NRG1: variants seen among roughly 807,000 people sequenced by gnomAD.
NRG1 encodes the protein neuregulin 1, also known as pro-neuregulin-1, membrane-bound isoform.
A neutral mutation model predicts 63.8 loss-of-function variants in NRG1; 18 were observed. That is an observed-to-expected ratio of 0.28 (90% CI 0.19 to 0.42). The LOEUF is 0.42. NRG1 is among the 10% of genes least tolerant of loss of function. The pLI, the probability that NRG1 is intolerant of heterozygous loss-of-function variation, is 1.00. For missense variants in NRG1, 762 were observed against 814.7 expected (o/e 0.94, Z 0.79); for synonymous variants, 302 against 301.3 (o/e 1.00, Z -0.02).
intron 1 of NRG1, among the ~76,000 whole-genome samples, chr8:32,027,610 A>G (rs1287032767): frequency 6.6e-6 from 1 of 151,884 alleles, no homozygotes; most frequent in East Asian, 1.9e-4. Context: ...TCTTCTCACC[A>G]TACTGTTTGT....
intron 1 of NRG1, among the ~76,000 whole-genome samples, chr8:31,892,757 A>C (rs1831253317): frequency 6.6e-6 from 1 of 152,068 alleles, no homozygotes; most frequent in Non-Finnish European, 1.5e-5. Flanking sequence ...TAAATGATGC[A>C]GTTTATCATC....
chr8:31,681,889 T>A (rs1301942206), intron 1 of NRG1, among the ~76,000 whole-genome samples: 2 of 152,054 alleles, frequency 1.3e-5, no homozygotes, highest in Admixed American at 1.3e-4. Flanking sequence ...GGCAACCTTT[T>A]CACTATCGAC....
At chr8:32,187,309 T>TTTG (rs1464058319) in intron 1 of NRG1, among the ~76,000 whole-genome samples, 12 of 152,112 alleles carry the variant, frequency 7.9e-5, no homozygotes, top group African/African-American at 2.9e-4. Context: ...TTCCATGGCG[T>TTTG]AGTTCTTTGG....
At chr8:32,470,458 C>T (rs1278429319) in intron 1 of NRG1, among the ~76,000 whole-genome samples, 2 of 152,134 alleles carry the variant, frequency 1.3e-5, no homozygotes, top group Non-Finnish European at 2.9e-5. Context: ...CCTCCCTCAG[C>T]CTTCCAAAGT....
chr8:32,662,408 G>T (rs889376706), intron 5 of NRG1, among the ~76,000 whole-genome samples: 1 of 152,096 alleles, frequency 6.6e-6, no homozygotes, highest in Non-Finnish European at 1.5e-5. Flanking sequence ...GGTGATGAAG[G>T]CCTGATCAGG....
intron 5 of NRG1, among the ~76,000 whole-genome samples, chr8:32,654,148 G>T (rs891508921): frequency 1.3e-5 from 2 of 152,150 alleles, no homozygotes; most frequent in African/African-American, 4.8e-5. Flanking sequence ...CAGTAGCAGT[G>T]CTGAGACTAA....
At chr8:31,940,256 AC>A (rs1801554231) in intron 1 of NRG1, among the ~76,000 whole-genome samples, 1 of 152,132 alleles carries the variant, frequency 6.6e-6, no homozygotes, top group African/African-American at 2.4e-5. Flanking sequence ...GCATCCCCAA[AC>A]CATACAAATA....
At chr8:31,877,889 G>A (rs80036852) in intron 1 of NRG1, among the ~76,000 whole-genome samples, 1,587 of 152,262 alleles carry the variant, frequency 0.01, 31 homozygotes, top group African/African-American at 0.037. Flanking sequence ...TTTGATGTAG[G>A]TTAGAGACTG....
At chr8:32,284,589 G>A (rs572604577) in intron 1 of NRG1, among the ~76,000 whole-genome samples, 7 of 151,138 alleles carry the variant, frequency 4.6e-5, no homozygotes, top group South Asian at 4.2e-4. Flanking sequence ...AGAGTGCAGC[G>A]GTATAATCAA....
At chr8:32,116,685 A>G (rs575759955) in intron 1 of NRG1, among the ~76,000 whole-genome samples, 2 of 152,236 alleles carry the variant, frequency 1.3e-5, no homozygotes, top group African/African-American at 4.8e-5. Flanking sequence ...AATGTTAAGT[A>G]AGGATCTTTT....
intron 1 of NRG1, among the ~76,000 whole-genome samples, chr8:32,092,922 G>A (rs1829393498): frequency 6.6e-6 from 1 of 152,148 alleles, no homozygotes; most frequent in African/African-American, 2.4e-5. Flanking sequence ...ATGTCACCCT[G>A]ACAATGACCA....
At chr8:32,674,647 G>A (rs1288014636) in intron 5 of NRG1, among the ~76,000 whole-genome samples, 3 of 152,144 alleles carry the variant, frequency 2.0e-5, no homozygotes, top group Non-Finnish European at 2.9e-5. Context: ...ATATCCGAAC[G>A]GAATGCTGAA....
intron 5 of NRG1, chr8:32,647,961 C>G (rs1489620892): frequency 6.8e-6 from 11 of 1,614,092 alleles, no homozygotes; most frequent in African/African-American, 1.3e-5. Flanking sequence ...TGTCCCCATC[C>G]TGGCTTGCCT....
chr8:31,876,082 A>G (rs961817589), intron 1 of NRG1, among the ~76,000 whole-genome samples: 1 of 152,194 alleles, frequency 6.6e-6, no homozygotes, highest in African/African-American at 2.4e-5. Context: ...GAAGAAATGA[A>G]TTGATCACAG....
intron 1 of NRG1, among the ~76,000 whole-genome samples, chr8:32,118,560 TA>T (rs1833040023): frequency 6.6e-6 from 1 of 152,122 alleles, no homozygotes; most frequent in South Asian, 2.1e-4. Flanking sequence ...TTTATAGCAA[TA>T]CAAATGGACG....
At chr8:32,255,726 C>T (rs751863956) in intron 1 of NRG1, among the ~76,000 whole-genome samples, 6 of 152,154 alleles carry the variant, frequency 3.9e-5, no homozygotes, top group Non-Finnish European at 5.9e-5. Context: ...ATGGTGTTCT[C>T]TGTATTTCCT....
chr8:32,547,862 ACT>A (rs1642827696), upstream of NRG1, among the ~76,000 whole-genome samples: 1 of 151,944 alleles, frequency 6.6e-6, no homozygotes, highest in Admixed American at 6.6e-5. Flanking sequence ...GACCACGGAG[ACT>A]CTGCTTGGGG....
At chr8:32,173,951 G>A (rs1234467076) in intron 1 of NRG1, among the ~76,000 whole-genome samples, 1 of 152,074 alleles carries the variant, frequency 6.6e-6, no homozygotes. Context: ...AGTTAACAAG[G>A]ATATGCAGGC....
intron 1 of NRG1, among the ~76,000 whole-genome samples, chr8:32,453,031 T>A (rs1023439761): frequency 6.6e-6 from 1 of 152,158 alleles, no homozygotes; most frequent in Non-Finnish European, 1.5e-5. Context: ...AGTAGAAAAT[T>A]CCAAGAAGTA....
Sources: allele counts gnomAD v4.1 joint callset (sites outside exome capture counted in the v4.1 genomes callset), GRCh38; gene constraint gnomAD v4.1.1; transcripts MANE v1.5; gene names NCBI Gene and HGNC (gene_info 2026-07-23, HGNC 2026-07-21).